The following RNF115 variants were observed in gnomAD, a reference collection of about 807,000 sequenced individuals.
RNF115 encodes the protein E3 ubiquitin-protein ligase RNF115.
A neutral mutation model predicts 39.2 loss-of-function variants in RNF115; 31 were observed. The observed-to-expected ratio is 0.79, with a 90% CI of 0.59 to 1.07. RNF115 has a LOEUF of 1.07. Ranked by LOEUF, RNF115 falls within the 50% of genes least tolerant of loss-of-function variation. RNF115 has a pLI of 0.00. For missense variants in RNF115, 384 were observed against 381.7 expected (o/e 1.01, Z -0.05); for synonymous variants, 124 against 131.0 (o/e 0.95, Z 0.37).
At chr1:145,795,578 A>G (rs587601054) in intron 1 of RNF115, among the ~76,000 whole-genome samples, 2 of 152,142 alleles carry the variant, frequency 1.3e-5, no homozygotes, top group East Asian at 3.9e-4. Context: ...CTAGACACAA[A>G]AGTTCTCCAA....
rs1553718524 is a variant in RNF115 at position 145,788,909 on chromosome 1, T to C, written c.160A>G (p.Ser54Gly). The part of the protein sequence containing the change: ...GFIEEVTDDS[S>G]FLGGGGSRID... ...TTTATTCATGAGCTTGTACAATACC[T>C]GGAATCATCTGTCACTTCTTCAATA... Residue 54 changes from serine (S) to glycine (G), a missense_variant and splice_region_variant, in exon 2 of 9, where the codon AGT becomes GGT. Ser to Gly is a moderately conservative substitution (Grantham distance 56). Coordinates refer to ENST00000582693, the MANE Select transcript of RNF115 (RefSeq NM_014455.4). 1 of 1,589,450 alleles carries C rather than the reference T, an allele frequency of 6.3e-7. No individual in the cohort carries two copies. The highest frequency in any genetic ancestry group is 1.1e-5 in the South Asian group (1 of 90,624).
chr1:145,745,353 G>A lies in RNF115; in HGVS notation c.*1513C>T, dbSNP rs1553711556. The A allele has an allele frequency of 6.6e-6, 1 of 152,318 alleles. No individual in the cohort carries two copies. Among genetic ancestry groups the A allele is most frequent in the Non-Finnish European group, 1.5e-5 (1 of 68,220 alleles). The allele number at this position is 152,318 out of a possible 1,614,324, so 9.4% of individuals were successfully genotyped here. The stretch of plus-strand genomic sequence containing the variant: ...CCCAGCCACTTGGTAGGCTGAGGTG[G>A]GAGGATCACTTGAGCCTGGGAGGTC... On this transcript the variant is annotated 3_prime_UTR_variant, in exon 9 of 9. Transcript: ENST00000582693.
chr1:145,754,407 G>A (rs945139726), intron 4 of RNF115, among the ~76,000 whole-genome samples: 6 of 151,806 alleles, frequency 4.0e-5, no homozygotes, highest in Non-Finnish European at 7.4e-5. Flanking sequence ...AGGATGGAGT[G>A]CAGAGGCACC....
chr1:145,787,202 T>C (rs1195387758), intron 2 of RNF115: 42 of 417,640 alleles, frequency 1.0e-4, no homozygotes, highest in South Asian at 7.2e-5. Flanking sequence ...TTTAACCAAA[T>C]AGCCCCAAAA....
At position 145,784,538 on chromosome 1, in the gene RNF115, C is replaced by T. The variant is rs1553717873; in HGVS notation, c.219+1G>A. ...ATTCCTACAGCTAAAGGAAAACTTA[C>T]CTCTGCAAAATGTGTTGTTGTGGTA... On this transcript the variant is annotated splice_donor_variant, in intron 3 of 8. Coordinates refer to ENST00000582693, the MANE Select transcript of RNF115 (RefSeq NM_014455.4). LOFTEE classifies it high-confidence loss of function. The T allele has an allele frequency of 6.2e-7, 1 of 1,613,590 alleles. No homozygotes were observed. The highest frequency in any genetic ancestry group is 2.2e-5 in the East Asian group (1 of 44,884).
At chr1:145,754,162 T>G (rs1658205386) in intron 4 of RNF115, among the ~76,000 whole-genome samples, 1 of 152,152 alleles carries the variant, frequency 6.6e-6, no homozygotes, top group Non-Finnish European at 1.5e-5. Flanking sequence ...TTTGTATTAT[T>G]TTTCATTATT....
intron 5 of RNF115, among the ~76,000 whole-genome samples, chr1:145,752,723 G>A (rs1658139525): frequency 6.6e-6 from 1 of 151,164 alleles, no homozygotes; most frequent in Admixed American, 6.6e-5. Context: ...GAGTAGCTGG[G>A]ACTACAGAAG....
intron 1 of RNF115, among the ~76,000 whole-genome samples, chr1:145,793,287 A>T (rs587747589): frequency 6.6e-6 from 1 of 152,370 alleles, no homozygotes; most frequent in South Asian, 2.1e-4. Context: ...ACTGCACTGC[A>T]GTCTGGGTAA....
At chr1:145,798,548 C>T (rs897472847) in intron 1 of RNF115, among the ~76,000 whole-genome samples, 1 of 152,170 alleles carries the variant, frequency 6.6e-6, no homozygotes, top group South Asian at 2.1e-4. Context: ...CAGTACCACA[C>T]TAGTTTTATT....
chr1:145,758,544 A>T lies in RNF115; in HGVS notation c.429-5495T>A, dbSNP rs1197812030. On this transcript the variant is annotated intron_variant, in intron 4 of 8. Coordinates refer to ENST00000582693, the MANE Select transcript of RNF115 (RefSeq NM_014455.4). ...GTTAAATTCTGGGGTAAAGTGTTAC[A>T]CAGCAATAGGTAACTAATATATACC... 4.6e-5 allele frequency among the ~76,000 whole-genome samples: 7 copies of T among 152,246 alleles called. No homozygotes were observed. The East Asian group carries it at 1.3e-3, about 29-fold the overall frequency.
chr1:145,770,907 C>T (rs2101529863), intron 4 of RNF115, among the ~76,000 whole-genome samples: 1 of 152,278 alleles, frequency 6.6e-6, no homozygotes, highest in South Asian at 2.1e-4. Flanking sequence ...ACATTTATTA[C>T]ATGAATGTTT....
rs587755547 is a variant in RNF115, at chr1:145,814,910, A to G, written c.102+8862T>C. Among the ~76,000 whole-genome samples the G allele has an allele frequency of 8.0e-5, 12 of 150,698 alleles. No homozygotes were observed. In the South Asian group the frequency reaches 2.1e-3, roughly 27 times the overall value. On this transcript the variant is annotated intron_variant, in intron 1 of 8. Transcript: ENST00000582693. ...CCACTGTAGCCTTTTAAAGGCGTCA[A>G]AACACTGAAGTCATCACTTTTTAAA...
intron 1 of RNF115, among the ~76,000 whole-genome samples, chr1:145,807,662 A>AT (rs1649517641): frequency 6.6e-6 from 1 of 152,142 alleles, no homozygotes; most frequent in South Asian, 2.1e-4. Flanking sequence ...CACCTTAAAT[A>AT]TTTATCATTT....
chr1:145,802,159 T>C (rs1553720957), intron 1 of RNF115, among the ~76,000 whole-genome samples: 2 of 152,166 alleles, frequency 1.3e-5, no homozygotes, highest in African/African-American at 4.8e-5. Flanking sequence ...CTAGAATCAC[T>C]GGAAACAGGA....
intron 4 of RNF115, 77 bp downstream of exon 4, chr1:145,771,634 C>T: frequency 1.7e-6 from 2 of 1,154,816 alleles, no homozygotes; most frequent in South Asian, 2.8e-5. Flanking sequence ...AGTATGAGAC[C>T]CTTATAAAGA....
At chr1:145,770,730 A>C (rs759978537) in intron 4 of RNF115, among the ~76,000 whole-genome samples, 2 of 152,212 alleles carry the variant, frequency 1.3e-5, no homozygotes, top group African/African-American at 4.8e-5. Flanking sequence ...AAATTAAACA[A>C]CATAAAGCAG....
At chr1:145,767,993 G>GGGGAGA (rs145331041) in intron 4 of RNF115, among the ~76,000 whole-genome samples, 43 of 150,850 alleles carry the variant, frequency 2.9e-4, no homozygotes, top group South Asian at 4.2e-4. Flanking sequence ...GGGAGACCGT[G>GGGGAGA]GGGAGAGGGA....
chr1:145,823,954 G>T lies in RNF115; in HGVS notation c.-81C>A. On this transcript the variant is annotated 5_prime_UTR_variant, in exon 1 of 9. Coordinates refer to ENST00000582693, the MANE Select transcript of RNF115 (RefSeq NM_014455.4). ...CGCTACCTCCCGAGCTGCAGTCGTC[G>T]CCGCCGCCGCCGCCTCGGTGCGGCC... 3.2e-6 allele frequency: 3 copies of T among 933,178 alleles called. No homozygotes were observed. Among genetic ancestry groups the T allele is most frequent in the Non-Finnish European group, 4.4e-6 (3 of 677,524 alleles). The allele number at this position is 933,178 out of a possible 1,614,324, so 57.8% of individuals were successfully genotyped here. A position where few individuals can be genotyped will look rare whatever the true frequency, so the allele number is the denominator to read the frequency against.
chr1:145,763,632 G>C (rs1007567360), intron 4 of RNF115, among the ~76,000 whole-genome samples: 1 of 152,036 alleles, frequency 6.6e-6, no homozygotes. Context: ...CTGGGAAGCA[G>C]AGGTTGCAGT....
Sources: gnomAD v4.1 joint callset for allele counts (sites outside exome capture counted in the v4.1 genomes callset) on GRCh38, gnomAD v4.1.1 for gene constraint, MANE v1.5 for transcripts, NCBI Gene and HGNC (gene_info 2026-07-23, HGNC 2026-07-21) for gene names.